Variants in SEC24B observed in about 807,000 individuals in gnomAD.
SEC24B encodes SEC24 homolog B, COPII component.
A neutral mutation model predicts 142.8 loss-of-function variants in SEC24B; 45 were observed. That is an observed-to-expected ratio of 0.32 (90% CI 0.25 to 0.40). SEC24B has a LOEUF of 0.40. SEC24B is among the 10% of genes least tolerant of loss of function. The pLI, the probability that SEC24B is intolerant of heterozygous loss-of-function variation, is 1.00. For synonymous variants in SEC24B, 574 were observed against 568.2 expected, an observed-to-expected ratio of 1.01 and a Z score of -0.15; for missense variants, 1,409 against 1,526.8, an observed-to-expected ratio of 0.92 and a Z score of 1.29.
intron 3 of SEC24B, among the ~76,000 whole-genome samples, chr4:109,474,717 G>T (rs189740427): frequency 1.3e-4 from 20 of 152,156 alleles, no homozygotes; most frequent in African/African-American, 4.8e-4. Context: ...GAGCCACCAC[G>T]CCCAGCCCCT....
At chr4:109,518,028 C>T (rs189199316) in intron 11 of SEC24B, among the ~76,000 whole-genome samples, 30 of 151,852 alleles carry the variant, frequency 2.0e-4, no homozygotes, top group African/African-American at 3.4e-4. Flanking sequence ...AGTGCAGTGG[C>T]GCGATCTCAG....
In SEC24B at chr4:109,506,314, A is replaced by C; in HGVS notation, c.1489-14A>C. On this transcript the variant is annotated splice_polypyrimidine_tract_variant and intron_variant, in intron 6 of 23. Transcript: ENST00000265175. ...TTTATTGTTCTTTTATTTTGTTTTGAATTGCTCTTTCAGCAGTATCCTGGT... is the reference window on the plus strand; with the variant it reads ...TTTATTGTTCTTTTATTTTGTTTTGCATTGCTCTTTCAGCAGTATCCTGGT... 1 of 1,482,734 alleles carries C rather than the reference A, an allele frequency of 6.7e-7. No homozygotes were observed. Among genetic ancestry groups the C allele is most frequent in the Non-Finnish European group, 9.0e-7 (1 of 1,116,556 alleles). 91.8% of individuals were successfully genotyped at this position (1,482,734 alleles called of 1,614,324 possible).
chr4:109,510,938 C>T (rs539536169), intron 8 of SEC24B, among the ~76,000 whole-genome samples: 1 of 151,936 alleles, frequency 6.6e-6, no homozygotes, highest in South Asian at 2.1e-4. Flanking sequence ...TAAAAGCTTC[C>T]TTGTGAAGCT....
At chr4:109,466,449 C>T (rs900320996) in intron 2 of SEC24B, among the ~76,000 whole-genome samples, 1 of 152,198 alleles carries the variant, frequency 6.6e-6, no homozygotes, top group Non-Finnish European at 1.5e-5. Flanking sequence ...CTCGCTCTGT[C>T]ACCCAGGCTG....
chr4:109,536,857 A>T (rs1255797651), intron 22 of SEC24B, among the ~76,000 whole-genome samples: 4 of 151,696 alleles, frequency 2.6e-5, no homozygotes, highest in Non-Finnish European at 4.4e-5. Flanking sequence ...TAATATTAGA[A>T]TGGGTAACGC....
At position 109,530,292 on chromosome 4, in the gene SEC24B, T is replaced by C. The variant is rs753583779; in HGVS notation, c.3080T>C (p.Val1027Ala). ...TTTCACTTTGGTTGCTTTTTAGCTG[T>C]GGATCGGTCCGTTTCATCAAGTCTG... ...AAICLLANMA[V>A]DRSVSSSLSD... Residue 1027 changes from valine (V) to alanine (A), a missense_variant, in exon 19 of 24, where the codon GTG (valine) becomes GCG (alanine). Physicochemically the swap from Val to Ala is moderately conservative, Grantham distance 64 (BLOSUM62 0). Around this residue, in one of 2 missense-constraint regions of SEC24B, gnomAD observed 700 missense variants for 853.3 expected, o/e 0.82. Transcript: ENST00000265175. The C allele has an allele frequency of 1.2e-6, 2 of 1,611,374 alleles. No individual in the cohort carries two copies. Among genetic ancestry groups the C allele is most frequent in the Admixed American group, 1.7e-5 (1 of 59,800 alleles).
chr4:109,458,543 A>G (rs1025555482), intron 1 of SEC24B, among the ~76,000 whole-genome samples: 5 of 152,234 alleles, frequency 3.3e-5, no homozygotes, highest in African/African-American at 1.2e-4. Flanking sequence ...AGATCTATTT[A>G]TTAGGTGGTT....
intron 4 of SEC24B, among the ~76,000 whole-genome samples, chr4:109,487,929 G>T (rs1038510453): frequency 1.3e-5 from 2 of 152,040 alleles, no homozygotes; most frequent in African/African-American, 4.8e-5. Context: ...ATTAACAGTT[G>T]ATTTGACATG....
intron 11 of SEC24B, among the ~76,000 whole-genome samples, 167 bp downstream of exon 11, chr4:109,516,807 A>G (rs1401511301): frequency 3.3e-5 from 5 of 152,214 alleles, no homozygotes; most frequent in African/African-American, 1.2e-4. Flanking sequence ...TCGAGTTATG[A>G]TTTATGACTT....
chr4:109,526,541 AT>A (rs1039466032), intron 17 of SEC24B, 142 bp downstream of exon 17: 5 of 549,388 alleles, frequency 9.1e-6, no homozygotes, highest in African/African-American at 7.9e-5. Flanking sequence ...ATATGTTGTT[AT>A]TTTCTTTCTT....
chr4:109,483,229 G>A (rs113396388), intron 4 of SEC24B, among the ~76,000 whole-genome samples: 7,048 of 150,478 alleles, frequency 0.047, 187 homozygotes, highest in African/African-American at 0.07. Flanking sequence ...ACAGGCACCC[G>A]CCACCACGCC....
intron 16 of SEC24B, 69 bp from the exon 17 acceptor site, chr4:109,526,157 A>G (rs1489776150): frequency 2.1e-6 from 3 of 1,459,582 alleles, no homozygotes; most frequent in Non-Finnish European, 2.8e-6. Flanking sequence ...TTTGACTTAA[A>G]AAAGTAACTT....
At chr4:109,472,980 G>C (rs773407284) in intron 2 of SEC24B, 24 bp from the exon 3 acceptor site, 22 of 1,420,674 alleles carry the variant, frequency 1.5e-5, no homozygotes, top group Non-Finnish European at 2.0e-5. Flanking sequence ...AGTTTCTGTG[G>C]ATGAAATAGT....
chr4:109,458,305 G>C (rs1301856060), intron 1 of SEC24B, among the ~76,000 whole-genome samples: 1 of 151,954 alleles, frequency 6.6e-6, no homozygotes, highest in African/African-American at 2.4e-5. Flanking sequence ...CCAATTTTTG[G>C]AATATATTTT....
intron 6 of SEC24B, among the ~76,000 whole-genome samples, chr4:109,501,784 T>C (rs1259217016): frequency 6.6e-6 from 1 of 152,220 alleles, no homozygotes; most frequent in African/African-American, 2.4e-5. Flanking sequence ...CATTTAATTC[T>C]TTAAGACTTT....
Position 109,535,577 on chromosome 4 carries a change from G to A in SEC24B, c.3588+1892G>A, listed in dbSNP as rs367655500. Among the ~76,000 whole-genome samples, 90 of 142,506 alleles carry A rather than the reference G, an allele frequency of 6.3e-4. No individual in the cohort carries two copies. The East Asian group carries it at 0.017, about 26-fold the overall frequency. 93.5% of individuals were successfully genotyped at this position (142,506 alleles called of 152,430 possible). A position where few individuals can be genotyped will look rare whatever the true frequency, so the allele number is the denominator to read the frequency against. ...TCTAAAAAAAAAAGTGGCTGGGCGC[G>A]GTGGCTCATGCCTGTAATCCCAGCA... On this transcript the variant is annotated intron_variant, in intron 22 of 23. Coordinates refer to ENST00000265175, the MANE Select transcript of SEC24B (RefSeq NM_006323.5).
chr4:109,463,561 C>T lies in SEC24B; in HGVS notation c.794C>T (p.Pro265Leu), dbSNP rs1197772134. The T allele has an allele frequency of 3.1e-6, 5 of 1,614,204 alleles. No individual in the cohort carries two copies. The highest frequency in any genetic ancestry group is 3.3e-5 in the Admixed American group (2 of 60,026). Residue 265 changes from proline (P) to leucine (L), a missense_variant, in exon 2 of 24, where the codon CCA (proline) becomes CTA (leucine). By Grantham distance (98) the Pro-to-Leu change is moderately conservative. Transcript: ENST00000265175. ...TACAGTACTCTAACGTGGTCATCTCCAGGCCTTCCATCGACTCAAGACAAT... is the reference window on the plus strand; with the variant it reads ...TACAGTACTCTAACGTGGTCATCTCTAGGCCTTCCATCGACTCAAGACAAT... ...SGYSTLTWSS[P>L]GLPSTQDNLI...
At chr4:109,491,239 G>A (rs1379032474) in intron 4 of SEC24B, 88 bp from the exon 5 acceptor site, 24 of 995,774 alleles carry the variant, frequency 2.4e-5, no homozygotes, top group African/African-American at 6.5e-5. Flanking sequence ...TCCTAGTTCC[G>A]CAAAAACATC....
chr4:109,535,335 C>T (rs371368182), intron 22 of SEC24B, among the ~76,000 whole-genome samples: 15 of 151,246 alleles, frequency 9.9e-5, no homozygotes, highest in East Asian at 5.8e-4. Flanking sequence ...GGGTGTATCA[C>T]GAGGTCAAGA....
Sources: gnomAD v4.1 joint callset for allele counts (sites outside exome capture counted in the v4.1 genomes callset) on GRCh38, gnomAD v4.1.1 for gene constraint, gnomAD v4.1.1 regional missense constraint, MANE v1.5 for transcripts, NCBI Gene and HGNC (gene_info 2026-07-23, HGNC 2026-07-21) for gene names.